SEMA4D: variants seen among roughly 807,000 people sequenced by gnomAD.
The protein encoded by SEMA4D is semaphorin-4D.
Under a neutral mutation model 74.8 loss-of-function variants are expected in SEMA4D, and 22 were observed. That is an observed-to-expected ratio of 0.29 (90% CI 0.21 to 0.42). The LOEUF is 0.42. Among genes scored for constraint, SEMA4D ranks in the 10% least tolerant of loss-of-function variants. SEMA4D has a pLI of 1.00. For missense variants in SEMA4D, 937 were observed against 1,118.4 expected, an observed-to-expected ratio of 0.84 and a Z score of 2.31; for synonymous variants, 445 against 463.7, an observed-to-expected ratio of 0.96 and a Z score of 0.52.
At chr9:89,373,978 G>C (rs574284282), downstream of SEMA4D, among the ~76,000 whole-genome samples, 1 of 152,180 alleles carries the variant, frequency 6.6e-6, no homozygotes, top group Admixed American at 6.5e-5. Context: ...CTGAGTTCAC[G>C]GCATGCCCAT....
chr9:89,367,308 C>T (rs1833828031), intron 16 of SEMA4D: 1 of 152,272 alleles, frequency 6.6e-6, no homozygotes, highest in South Asian at 2.1e-4. Flanking sequence ...AATCCTAGGC[C>T]CCCAGTGGGG....
intron 10 of SEMA4D, 21 bp downstream of exon 10, chr9:89,388,851 G>T (rs367972555): frequency 2.5e-6 from 4 of 1,610,336 alleles, no homozygotes; most frequent in Non-Finnish European, 3.4e-6. Context: ...CAAGGAGGGG[G>T]ACTCCACCCA....
In SEMA4D at chr9:89,402,022, G is replaced by A. The variant is rs1259702096; in HGVS notation, c.252+849C>T. On this transcript the variant is annotated intron_variant, in intron 4 of 15. Transcript: ENST00000422704. ...ATGAGCCTGGATCTGACACCCAGCT[G>A]GGGATGTGAAGACAGAGGTGCATGC... Among the ~76,000 whole-genome samples the A allele has an allele frequency of 2.0e-5, 3 of 152,058 alleles. No homozygotes were observed. In the South Asian group the frequency reaches 6.2e-4, roughly 32 times the overall value.
intron 1 of SEMA4D, among the ~76,000 whole-genome samples, chr9:89,458,033 A>T (rs1425927995): frequency 5.1e-4 from 78 of 152,286 alleles, no homozygotes; most frequent in African/African-American, 1.8e-3. Flanking sequence ...ACTGGGTCTC[A>T]AACAAACAAA....
At chr9:89,458,408 G>A (rs1340582461) in intron 1 of SEMA4D, among the ~76,000 whole-genome samples, 1 of 152,086 alleles carries the variant, frequency 6.6e-6, no homozygotes, top group Admixed American at 6.5e-5. Context: ...TCCACATGGT[G>A]CATACATCCT....
chr9:89,475,659 TG>T (rs1158167019), intron 1 of SEMA4D, among the ~76,000 whole-genome samples: 1 of 152,182 alleles, frequency 6.6e-6, no homozygotes, highest in Non-Finnish European at 1.5e-5. Flanking sequence ...AGACCAAGCC[TG>T]CCGTGGACCA....
intron 2 of SEMA4D, chr9:89,450,686 A>AAAAAAAAAAC: frequency 4.2e-6 from 4 of 945,100 alleles, no homozygotes; most frequent in Non-Finnish European, 4.8e-6. Context: ...AAAAAAAAAA[A>AAAAAAAAAAC]AGGCCTCCAA....
chr9:89,397,662 C>G (rs1841292113), intron 5 of SEMA4D, among the ~76,000 whole-genome samples: 2 of 152,222 alleles, frequency 1.3e-5, no homozygotes, highest in Admixed American at 1.3e-4. Context: ...CTGCACACCC[C>G]CGGAAACCGG....
At chr9:89,411,935 T>C (rs980571584) in intron 2 of SEMA4D, among the ~76,000 whole-genome samples, 1 of 152,216 alleles carries the variant, frequency 6.6e-6, no homozygotes, top group Non-Finnish European at 1.5e-5. Context: ...ACTCCACTCC[T>C]GCCCCCTCCC....
At chr9:89,422,510 G>A (rs1035833194) in intron 2 of SEMA4D, among the ~76,000 whole-genome samples, 2 of 152,256 alleles carry the variant, frequency 1.3e-5, no homozygotes, top group Admixed American at 6.5e-5. Context: ...CAGGCTGGTA[G>A]AGGAAGAGGG....
intron 11 of SEMA4D, among the ~76,000 whole-genome samples, chr9:89,388,393 A>G (rs1483536475): frequency 3.3e-5 from 5 of 152,248 alleles, no homozygotes; most frequent in African/African-American, 1.2e-4. Context: ...TTGTTATGCA[A>G]TGTTAATTGT....
chr9:89,454,803 G>A (rs867690517), intron 2 of SEMA4D, among the ~76,000 whole-genome samples: 9 of 152,324 alleles, frequency 5.9e-5, no homozygotes, highest in African/African-American at 2.2e-4. Flanking sequence ...GGGTGGCGAA[G>A]AGACACAGCC....
intron 1 of SEMA4D, among the ~76,000 whole-genome samples, chr9:89,491,117 G>C (rs956606809): frequency 1.3e-4 from 20 of 152,224 alleles, no homozygotes; most frequent in African/African-American, 4.8e-4. Flanking sequence ...GAGTAGGACA[G>C]CATTGCCTCT....
At chr9:89,449,183 T>C (rs1295965848) in intron 2 of SEMA4D, among the ~76,000 whole-genome samples, 2 of 152,186 alleles carry the variant, frequency 1.3e-5, no homozygotes, top group Admixed American at 1.3e-4. Flanking sequence ...ACCTGGCTAT[T>C]TGCTAAGGCC....
intron 2 of SEMA4D, chr9:89,450,364 T>C (rs1854066576): frequency 3.0e-6 from 3 of 1,002,496 alleles, no homozygotes; most frequent in African/African-American, 3.2e-5. Flanking sequence ...TTCAGTGACA[T>C]GAAAAGGCGT....
chr9:89,465,000 C>T (rs185223942), intron 1 of SEMA4D, among the ~76,000 whole-genome samples: 5 of 152,330 alleles, frequency 3.3e-5, no homozygotes, highest in East Asian at 1.9e-4. Context: ...ATAAACATCT[C>T]GCATGCTTTA....
chr9:89,484,988 TTG>T lies in SEMA4D; in HGVS notation c.-310+12929_-310+12930del, dbSNP rs111818272. Reference sequence around the variant, plus strand: ...GGTGGAGGCATATGTGTGTAGTATGTTGTGTGTGTGTGTGTGTGTGTGTTCCA... The same window carrying T: ...GGTGGAGGCATATGTGTGTAGTATGTTGTGTGTGTGTGTGTGTGTGTTCCA... On this transcript the variant is annotated intron_variant, in intron 1 of 15. Transcript: ENST00000422704. This position sits in a 1 kb window ranked among gnomAD's most constrained non-coding sequence, Gnocchi z 4.1. 4.9e-4 allele frequency among the ~76,000 whole-genome samples: 74 copies of T among 149,596 alleles called. No homozygotes were observed. The highest frequency in any genetic ancestry group is 3.5e-3 in the Middle Eastern group (1 of 288).
intron 2 of SEMA4D, among the ~76,000 whole-genome samples, chr9:89,455,496 C>T: frequency 6.6e-6 from 1 of 152,218 alleles, no homozygotes; most frequent in East Asian, 1.9e-4. Context: ...CTAGGCGCAC[C>T]AGTCCTCAGG....
At position 89,405,513 on chromosome 9, in the gene SEMA4D, G is replaced by A. The variant is rs752589829; in HGVS notation, c.-57C>T. 1.6e-5 allele frequency: 25 copies of A among 1,601,746 alleles called. No individual in the cohort carries two copies. Among genetic ancestry groups the A allele is most frequent in the East Asian group, 2.2e-5 (1 of 44,570 alleles). ...CAAAGGCTCACGGCAGCAGGTGGCCGGGCAGGTGTGCTATTGCAGATGCGG... is the reference window on the plus strand; with the variant it reads ...CAAAGGCTCACGGCAGCAGGTGGCCAGGCAGGTGTGCTATTGCAGATGCGG... On this transcript the variant is annotated 5_prime_UTR_variant, in exon 3 of 16. Coordinates refer to ENST00000422704, the MANE Select transcript of SEMA4D (RefSeq NM_001371194.2).
Sources: allele counts gnomAD v4.1 joint callset (sites outside exome capture counted in the v4.1 genomes callset), GRCh38; gene constraint gnomAD v4.1.1; non-coding constraint Gnocchi (gnomAD v3.1); transcripts MANE v1.5; gene names NCBI Gene and HGNC (gene_info 2026-07-23, HGNC 2026-07-21).